Variants in PTCSC3 observed in about 807,000 individuals in gnomAD.
PTCSC3 encodes papillary thyroid carcinoma susceptibility candidate 3.
At chr14:36,157,339 T>C (rs1243837563) in intron 2 of PTCSC3, among the ~76,000 whole-genome samples, 1 of 152,090 alleles carries the variant, frequency 6.6e-6, no homozygotes, top group Non-Finnish European at 1.5e-5. Context: ...TTTTCTCCCA[T>C]TCTGTAGGTT....
chr14:36,157,865 G>T (rs1881864027), intron 2 of PTCSC3, among the ~76,000 whole-genome samples: 1 of 152,126 alleles, frequency 6.6e-6, no homozygotes, highest in Non-Finnish European at 1.5e-5. Context: ...CCATTTTCAT[G>T]ATATTGATTC....
At chr14:36,153,283 G>A (rs1481367830) in intron 3 of PTCSC3, among the ~76,000 whole-genome samples, 3 of 152,016 alleles carry the variant, frequency 2.0e-5, no homozygotes, top group African/African-American at 7.3e-5. Flanking sequence ...TCATATTGGG[G>A]GTTAGGATTT....
chr14:36,140,861 GA>G (rs1293714479), intron 3 of PTCSC3, among the ~76,000 whole-genome samples: 1 of 151,950 alleles, frequency 6.6e-6, no homozygotes, highest in Non-Finnish European at 1.5e-5. Context: ...TTAACATTTT[GA>G]ATTTTAAATT....
intron 3 of PTCSC3, among the ~76,000 whole-genome samples, chr14:36,147,389 C>T (rs1197056293): frequency 1.3e-5 from 2 of 151,996 alleles, no homozygotes; most frequent in Admixed American, 6.6e-5. Flanking sequence ...TCTAAACTTC[C>T]CTTCTCCCTT....
At chr14:36,172,411 CTTAAA>C (rs1272499587) in intron 1 of PTCSC3, among the ~76,000 whole-genome samples, 16 of 152,008 alleles carry the variant, frequency 1.1e-4, no homozygotes, top group South Asian at 2.1e-4. Context: ...TAGTTCTTTT[CTTAAA>C]TTAACAGGAA....
chr14:36,163,164 G>C (rs981444827), intron 1 of PTCSC3, among the ~76,000 whole-genome samples: 2 of 152,008 alleles, frequency 1.3e-5, no homozygotes, highest in Non-Finnish European at 2.9e-5. Context: ...CTTGAGCCTA[G>C]GGGTCTGAAG....
chr14:36,144,052 G>A (rs1881495462), intron 3 of PTCSC3, among the ~76,000 whole-genome samples: 1 of 152,100 alleles, frequency 6.6e-6, no homozygotes, highest in South Asian at 2.1e-4. Context: ...TGCTGTTTTG[G>A]TTACTGTAGC....
intron 1 of PTCSC3, chr14:36,165,251 A>T (rs555346546): frequency 6.6e-6 from 1 of 152,224 alleles, no homozygotes; most frequent in Non-Finnish European, 1.5e-5. Flanking sequence ...TGATGAAAAG[A>T]CATTAGAGGA....
intron 2 of PTCSC3, among the ~76,000 whole-genome samples, chr14:36,158,879 G>C (rs1330498796): frequency 2.6e-5 from 4 of 152,138 alleles, no homozygotes; most frequent in Non-Finnish European, 4.4e-5. Context: ...AATCCATCTA[G>C]TCCTTGAATT....
chr14:36,151,799 C>A (rs975929020), intron 3 of PTCSC3, among the ~76,000 whole-genome samples: 1 of 152,140 alleles, frequency 6.6e-6, no homozygotes, highest in African/African-American at 2.4e-5. Flanking sequence ...AGAATGAAGA[C>A]CAGAATGCTC....
intron 3 of PTCSC3, among the ~76,000 whole-genome samples, chr14:36,143,035 A>G (rs1481048323): frequency 2.6e-5 from 4 of 151,764 alleles, no homozygotes; most frequent in South Asian, 2.1e-4. Flanking sequence ...TATGTGCCAC[A>G]TTTTCTTAAT....
chr14:36,145,619 A>T, intron 3 of PTCSC3, among the ~76,000 whole-genome samples: 1 of 84,724 alleles, frequency 1.2e-5, no homozygotes, highest in Non-Finnish European at 2.8e-5. Context: ...CAGCTCCTGG[A>T]TTCATTAATT....
chr14:36,139,576 A>C (rs1279891871), intron 3 of PTCSC3, among the ~76,000 whole-genome samples: 1 of 152,132 alleles, frequency 6.6e-6, no homozygotes, highest in African/African-American at 2.4e-5. Context: ...CAATACACAC[A>C]CACAACATGT....
chr14:36,162,278 A>AAAAAAC (rs1286794385), intron 2 of PTCSC3, among the ~76,000 whole-genome samples: 9 of 110,444 alleles, frequency 8.1e-5, no homozygotes, highest in Non-Finnish European at 1.7e-4. Context: ...AAAAAAAAAA[A>AAAAAAC]AAAAAAACTC....
chr14:36,145,510 C>G (rs1452467703), intron 3 of PTCSC3, among the ~76,000 whole-genome samples: 3 of 148,266 alleles, frequency 2.0e-5, no homozygotes, highest in Non-Finnish European at 4.5e-5. Flanking sequence ...GGTGATATCC[C>G]CTTTATCATT....
intron 2 of PTCSC3, among the ~76,000 whole-genome samples, chr14:36,154,801 G>T (rs1881795129): frequency 6.6e-6 from 1 of 152,076 alleles, no homozygotes; most frequent in Non-Finnish European, 1.5e-5. Context: ...GTTCCCTTTG[G>T]GATATCCAAG....
chr14:36,174,427 C>T (rs1396621884), intron 1 of PTCSC3, among the ~76,000 whole-genome samples: 1 of 152,058 alleles, frequency 6.6e-6, no homozygotes, highest in African/African-American at 2.4e-5. Context: ...TTCCATTTAT[C>T]TGCTGTTTTC....
intron 2 of PTCSC3, among the ~76,000 whole-genome samples, chr14:36,161,351 T>C (rs936838363): frequency 1.3e-5 from 2 of 152,326 alleles, no homozygotes; most frequent in East Asian, 1.9e-4. Context: ...TCCTCATCTT[T>C]GTGGATTTAT....
intron 1 of PTCSC3, among the ~76,000 whole-genome samples, chr14:36,163,388 A>G (rs142404154): frequency 6.6e-6 from 1 of 152,256 alleles, no homozygotes; most frequent in Non-Finnish European, 1.5e-5. Flanking sequence ...CAGCCTTAAC[A>G]ATGGAAATTG....
Sources: allele counts gnomAD v4.1 joint callset (sites outside exome capture counted in the v4.1 genomes callset), GRCh38; gene constraint gnomAD v4.1.1; transcripts MANE v1.5; gene names NCBI Gene and HGNC (gene_info 2026-07-23, HGNC 2026-07-21).